GPBP1: variants seen among roughly 807,000 people sequenced by gnomAD.
GPBP1 encodes the protein GC-rich promoter binding protein 1.
A neutral mutation model predicts 56.5 loss-of-function variants in GPBP1; 13 were observed. The observed-to-expected ratio is 0.23, with a 90% confidence interval of 0.15 to 0.37. The LOEUF is 0.37. Ranked by LOEUF, GPBP1 falls within the 10% of genes least tolerant of loss-of-function variation. The pLI is 1.00. For synonymous variants in GPBP1, 204 were observed against 188.9 expected, an observed-to-expected ratio of 1.08 and a Z score of -0.66; for missense variants, 477 against 572.3, an observed-to-expected ratio of 0.83 and a Z score of 1.70.
At chr5:57,214,431 C>G (rs1451423812) in intron 3 of GPBP1, among the ~76,000 whole-genome samples, 2 of 151,852 alleles carry the variant, frequency 1.3e-5, no homozygotes, top group African/African-American at 2.4e-5. Context: ...ACTACAGATA[C>G]AAAATTAGCC....
At chr5:57,187,654 C>A (rs1005211189) in intron 2 of GPBP1, among the ~76,000 whole-genome samples, 2 of 152,124 alleles carry the variant, frequency 1.3e-5, no homozygotes, top group African/African-American at 4.8e-5. Flanking sequence ...GTCTTTATGA[C>A]TTAATTCTTG....
At chr5:57,239,409 A>AT (rs1238425012) in intron 6 of GPBP1, among the ~76,000 whole-genome samples, 1 of 152,228 alleles carries the variant, frequency 6.6e-6, no homozygotes, top group Non-Finnish European at 1.5e-5. Context: ...GTTGATATAA[A>AT]TTATAACAGT....
At chr5:57,203,447 G>A (rs1323540180) in intron 2 of GPBP1, among the ~76,000 whole-genome samples, 1 of 151,984 alleles carries the variant, frequency 6.6e-6, no homozygotes, top group Non-Finnish European at 1.5e-5. Context: ...ACCAGCCTGG[G>A]CAACATGGCA....
intron 9 of GPBP1, among the ~76,000 whole-genome samples, chr5:57,250,033 G>A (rs1294949657): frequency 5.2e-5 from 5 of 96,086 alleles, no homozygotes; most frequent in African/African-American, 2.1e-4. Context: ...CGGAGTGTAA[G>A]GGCATCATCT....
intron 2 of GPBP1, among the ~76,000 whole-genome samples, chr5:57,200,360 A>ATTT (rs70999063): frequency 9.5e-4 from 66 of 69,814 alleles, no homozygotes; most frequent in East Asian, 1.1e-3. Context: ...ATAAGTTTGA[A>ATTT]TTTTTTTTTT....
At chr5:57,235,413 CT>C (rs750088423) in intron 5 of GPBP1, among the ~76,000 whole-genome samples, 243 of 142,462 alleles carry the variant, frequency 1.7e-3, no homozygotes, top group Admixed American at 3.7e-3. Context: ...TTTTTCTTTT[CT>C]TTTTTTTTTT....
At chr5:57,200,331 G>A (rs1325618163) in intron 2 of GPBP1, among the ~76,000 whole-genome samples, 2 of 138,408 alleles carry the variant, frequency 1.4e-5, no homozygotes, top group African/African-American at 2.7e-5. Context: ...AAGCATTGTA[G>A]TTTTTGTGTC....
rs1425349625 is a variant in GPBP1, at chr5:57,263,038, A to G, written c.*286A>G. The G allele has an allele frequency of 4.1e-6, 1 of 242,586 alleles. No homozygotes were observed. The highest frequency in any genetic ancestry group is 8.0e-5 in the East Asian group (1 of 12,464). The allele number at this position is 242,586 out of a possible 1,614,324, so 15.0% of individuals were successfully genotyped here. A position where few individuals can be genotyped will look rare whatever the true frequency, so the allele number is the denominator to read the frequency against. ...GACTAGCAATGTGACGATGTAACAA[A>G]TGAGATTTTCTCATTTAATAATAAA... is the stretch of plus-strand genomic sequence containing the variant. On this transcript the variant is annotated 3_prime_UTR_variant, in exon 12 of 12. Coordinates refer to ENST00000506184, the MANE Select transcript of GPBP1 (RefSeq NM_022913.4).
intron 6 of GPBP1, among the ~76,000 whole-genome samples, chr5:57,236,461 A>ATG (rs1180030241): frequency 6.6e-6 from 1 of 152,166 alleles, no homozygotes; most frequent in Non-Finnish European, 1.5e-5. Flanking sequence ...GGTTACGTAT[A>ATG]TATATATACA....
chr5:57,223,501 G>T (rs1756043083), intron 3 of GPBP1, among the ~76,000 whole-genome samples: 1 of 152,030 alleles, frequency 6.6e-6, no homozygotes, highest in African/African-American at 2.4e-5. Context: ...TACCTTGCAG[G>T]ATCAATATTC....
chr5:57,211,716 T>C (rs543762587), intron 2 of GPBP1, among the ~76,000 whole-genome samples: 10 of 151,930 alleles, frequency 6.6e-5, no homozygotes, highest in South Asian at 6.2e-4. Context: ...CCTGAGTAGC[T>C]GGGATTACAG....
intron 3 of GPBP1, among the ~76,000 whole-genome samples, chr5:57,230,024 A>G (rs188966847): frequency 0.012 from 1,717 of 147,224 alleles, 32 homozygotes; most frequent in African/African-American, 0.042. Context: ...CCCGCCTCCC[A>G]GGTTCAAGCG....
At chr5:57,200,360 ATTTTTTTT>A (rs70999063) in intron 2 of GPBP1, among the ~76,000 whole-genome samples, 8 of 69,774 alleles carry the variant, frequency 1.1e-4, no homozygotes, top group East Asian at 3.7e-4. Context: ...ATAAGTTTGA[ATTTTTTTT>A]TTTTTTTTTT....
chr5:57,234,049 A>C (rs370458611), intron 5 of GPBP1, among the ~76,000 whole-genome samples: 2 of 152,282 alleles, frequency 1.3e-5, no homozygotes, highest in East Asian at 3.9e-4. Context: ...GATGCTATGC[A>C]CATGTAACCA....
At chr5:57,195,462 TTTAA>T (rs1403078374) in intron 2 of GPBP1, among the ~76,000 whole-genome samples, 2 of 152,300 alleles carry the variant, frequency 1.3e-5, no homozygotes, top group African/African-American at 4.8e-5. Flanking sequence ...TAACATTTTG[TTTAA>T]TTAATTACTT....
chr5:57,198,075 T>A (rs987703430), intron 2 of GPBP1, among the ~76,000 whole-genome samples: 6 of 152,194 alleles, frequency 3.9e-5, no homozygotes, highest in African/African-American at 1.4e-4. Flanking sequence ...ATGTGTTTGC[T>A]TATATTCATG....
chr5:57,218,153 A>AG (rs1755781286), intron 3 of GPBP1, among the ~76,000 whole-genome samples: 1 of 152,154 alleles, frequency 6.6e-6, no homozygotes, highest in African/African-American at 2.4e-5. Context: ...TCTCCCCCTC[A>AG]AAGCAGTTCT....
chr5:57,213,986 G>A (rs1755601948), intron 2 of GPBP1, 88 bp from the exon 3 acceptor site: 1 of 627,718 alleles, frequency 1.6e-6, no homozygotes, highest in Non-Finnish European at 2.9e-6. Context: ...GAATCCTATA[G>A]TAGTAAGTAG....
At chr5:57,231,052 G>A (rs1230834179) in intron 4 of GPBP1, 46 bp from the exon 5 acceptor site, 4 of 1,585,480 alleles carry the variant, frequency 2.5e-6, no homozygotes, top group African/African-American at 1.4e-5. Context: ...CAATCTTTAA[G>A]CTTCTCTTCT....
Sources: gnomAD v4.1 joint callset for allele counts (sites outside exome capture counted in the v4.1 genomes callset) on GRCh38, gnomAD v4.1.1 for gene constraint, MANE v1.5 for transcripts, NCBI Gene and HGNC (gene_info 2026-07-23, HGNC 2026-07-21) for gene names.